FNDC3B: variants seen among roughly 807,000 people sequenced by gnomAD.
The protein encoded by FNDC3B is fibronectin type III domain-containing protein 3B.
In FNDC3B, 12 loss-of-function variants were observed where a neutral mutation model predicts 151.5. That is an observed-to-expected ratio of 0.08 (90% CI 0.05 to 0.13). The LOEUF is 0.13. FNDC3B is among the 10% of genes least tolerant of loss of function. FNDC3B has a pLI of 1.00. For missense variants in FNDC3B, 1,214 were observed against 1,505.3 expected (o/e 0.81, Z 3.20); for synonymous variants, 528 against 549.0 (o/e 0.96, Z 0.54).
chr3:172,081,072 ACT>A (rs1425439652), intron 1 of FNDC3B, among the ~76,000 whole-genome samples: 1 of 152,040 alleles, frequency 6.6e-6, no homozygotes, highest in Non-Finnish European at 1.5e-5. Context: ...TGATGTAGTA[ACT>A]CTATTTTCCC....
intron 1 of FNDC3B, among the ~76,000 whole-genome samples, chr3:172,043,942 G>A (rs1198944969): frequency 1.3e-5 from 2 of 152,096 alleles, no homozygotes; most frequent in African/African-American, 2.4e-5. Context: ...TCTCATACCC[G>A]CGTCCATCCG....
chr3:172,276,970 C>T (rs750565503), intron 6 of FNDC3B, among the ~76,000 whole-genome samples: 4 of 152,166 alleles, frequency 2.6e-5, no homozygotes, highest in Admixed American at 1.3e-4. Context: ...CAAAATTTAA[C>T]ATGGATTTTA....
intron 23 of FNDC3B, among the ~76,000 whole-genome samples, chr3:172,369,655 A>G (rs1047515076): frequency 7.2e-5 from 11 of 152,180 alleles, no homozygotes; most frequent in African/African-American, 2.7e-4. Context: ...TTAGGAAATT[A>G]ACCTCTTTTC....
At chr3:172,156,885 C>A (rs571199858) in intron 3 of FNDC3B, among the ~76,000 whole-genome samples, 46 of 152,004 alleles carry the variant, frequency 3.0e-4, no homozygotes, top group Non-Finnish European at 7.4e-5. Context: ...TACGGACTAT[C>A]AGAAGTTTAC....
intron 6 of FNDC3B, among the ~76,000 whole-genome samples, chr3:172,266,343 T>G (rs939490001): frequency 6.6e-6 from 1 of 152,154 alleles, no homozygotes; most frequent in African/African-American, 2.4e-5. Flanking sequence ...TGGTGCTTCT[T>G]TTTTTTCCCC....
At chr3:172,271,841 G>A (rs971044545) in intron 6 of FNDC3B, among the ~76,000 whole-genome samples, 28 of 152,324 alleles carry the variant, frequency 1.8e-4, no homozygotes, top group African/African-American at 6.0e-4. Flanking sequence ...ATTCTGTACC[G>A]GGTAGTACAC....
At chr3:172,318,723 A>T (rs1731938067) in intron 11 of FNDC3B, among the ~76,000 whole-genome samples, 1 of 152,150 alleles carries the variant, frequency 6.6e-6, no homozygotes, top group Admixed American at 6.5e-5. Context: ...GTCAGCTTTC[A>T]TTCCCCTGCC....
chr3:172,401,291 G>A lies in FNDC3B; in HGVS notation c.*3816G>A, dbSNP rs1321548701. The stretch of plus-strand genomic sequence containing the variant: ...TTCACGTGTTTTTGGAGGCCAGGCA[G>A]GTGGCCTTCTGCAGAGACAGCAGCA... On this transcript the variant is annotated 3_prime_UTR_variant, in exon 26 of 26. Coordinates refer to ENST00000415807, the MANE Select transcript of FNDC3B (RefSeq NM_022763.4). The A allele has an allele frequency of 6.6e-6, 1 of 152,252 alleles. No individual in the cohort carries two copies. Among genetic ancestry groups the A allele is most frequent in the Non-Finnish European group, 1.5e-5 (1 of 68,088 alleles). 9.4% of individuals were successfully genotyped at this position (152,252 alleles called of 1,614,324 possible). A position where few individuals can be genotyped will look rare whatever the true frequency, so the allele number is the denominator to read the frequency against.
intron 3 of FNDC3B, among the ~76,000 whole-genome samples, chr3:172,161,653 C>T (rs781302093): frequency 1.3e-5 from 2 of 152,218 alleles, no homozygotes; most frequent in Admixed American, 1.3e-4. Context: ...ACTGTTGTGC[C>T]TTGACTGTGG....
intron 3 of FNDC3B, among the ~76,000 whole-genome samples, chr3:172,209,376 T>C (rs945747551): frequency 1.3e-5 from 2 of 152,130 alleles, no homozygotes; most frequent in Non-Finnish European, 2.9e-5. Context: ...GAGTTTTTCT[T>C]CCACATCCAG....
chr3:172,301,481 A>G (rs1296648524), intron 9 of FNDC3B, among the ~76,000 whole-genome samples: 1 of 152,358 alleles, frequency 6.6e-6, no homozygotes, highest in East Asian at 1.9e-4. Flanking sequence ...AGTCACCTAT[A>G]AGGCCTCAAA....
intron 23 of FNDC3B, among the ~76,000 whole-genome samples, chr3:172,369,006 A>G (rs1392443029): frequency 6.6e-6 from 1 of 152,160 alleles, no homozygotes; most frequent in African/African-American, 2.4e-5. Flanking sequence ...GCAAGACTCC[A>G]TCTCAAAAAA....
intron 1 of FNDC3B, among the ~76,000 whole-genome samples, chr3:172,051,376 C>T (rs1716647128): frequency 6.6e-6 from 1 of 151,962 alleles, no homozygotes. Context: ...TAATAGTCTC[C>T]TTGTCTCCCT....
At chr3:172,359,860 GT>G (rs1247255947) in intron 22 of FNDC3B, among the ~76,000 whole-genome samples, 1 of 152,122 alleles carries the variant, frequency 6.6e-6, no homozygotes, top group Non-Finnish European at 1.5e-5. Flanking sequence ...TTGTAATGGA[GT>G]TTTTGCTCTG....
intron 1 of FNDC3B, among the ~76,000 whole-genome samples, chr3:172,054,773 C>T (rs1716831530): frequency 6.6e-6 from 1 of 152,190 alleles, no homozygotes; most frequent in Admixed American, 6.5e-5. Flanking sequence ...TGGCTGCCCA[C>T]CTGACCCCTC....
intron 1 of FNDC3B, among the ~76,000 whole-genome samples, chr3:172,063,710 T>G (rs974882073): frequency 6.6e-5 from 10 of 152,314 alleles, no homozygotes; most frequent in Admixed American, 5.9e-4. Flanking sequence ...AAATAGAGTC[T>G]CTAACAGAGG....
At chr3:172,264,451 T>C (rs1728816513) in intron 6 of FNDC3B, among the ~76,000 whole-genome samples, 1 of 152,198 alleles carries the variant, frequency 6.6e-6, no homozygotes, top group African/African-American at 2.4e-5. Flanking sequence ...TGTGGGATGT[T>C]TGTACCCAGA....
chr3:172,317,243 G>T, intron 11 of FNDC3B: 1 of 425,614 alleles, frequency 2.3e-6, no homozygotes. Context: ...GAGTGCAGTG[G>T]TGCGATCTCA....
intron 6 of FNDC3B, among the ~76,000 whole-genome samples, chr3:172,266,117 T>G (rs1728912714): frequency 2.0e-5 from 3 of 152,218 alleles, no homozygotes; most frequent in Admixed American, 2.0e-4. Flanking sequence ...CAGTTCTGTA[T>G]TAATAGGAGA....
Sources: allele counts gnomAD v4.1 joint callset (sites outside exome capture counted in the v4.1 genomes callset), GRCh38; gene constraint gnomAD v4.1.1; transcripts MANE v1.5; gene names NCBI Gene and HGNC (gene_info 2026-07-23, HGNC 2026-07-21).